LOC128706666: variants seen among roughly 807,000 people sequenced by gnomAD.
the LOC128706666 span, among the ~76,000 whole-genome samples, chr20:10,423,610 C>A: frequency 1.3e-5 from 2 of 152,122 alleles, no homozygotes; most frequent in African/African-American, 4.8e-5. Context: ...ATAGTATGAA[C>A]CCTCTTTGAG....
the LOC128706666 span, among the ~76,000 whole-genome samples, chr20:10,427,847 C>G: frequency 6.6e-6 from 1 of 152,176 alleles, no homozygotes; most frequent in Non-Finnish European, 1.5e-5. Flanking sequence ...TCTAAAGTTT[C>G]CATTCTGCAA....
At chr20:10,427,028 T>TGACACACACACA in the LOC128706666 span, among the ~76,000 whole-genome samples, 1,328 of 61,420 alleles carry the variant, frequency 0.022, 21 homozygotes, top group African/African-American at 0.049. Flanking sequence ...AAGAAAACAC[T>TGACACACACACA]GACACACACA....
At chr20:10,424,331 G>C in the LOC128706666 span, among the ~76,000 whole-genome samples, 2 of 152,004 alleles carry the variant, frequency 1.3e-5, no homozygotes, top group Admixed American at 1.3e-4. Context: ...TCAGGCAGGG[G>C]GACTGCTTGA....
the LOC128706666 span, among the ~76,000 whole-genome samples, chr20:10,429,371 T>C: frequency 3.9e-5 from 6 of 152,208 alleles, no homozygotes; most frequent in Non-Finnish European, 1.5e-5. Flanking sequence ...CTGTCTTTGG[T>C]AGTGTTTGTT....
the LOC128706666 span, among the ~76,000 whole-genome samples, chr20:10,422,781 A>G: frequency 1.3e-5 from 2 of 149,410 alleles, no homozygotes; most frequent in Non-Finnish European, 3.0e-5. Context: ...GTGCGATCTC[A>G]GCTCACTGCA....
At chr20:10,417,614 G>C in the LOC128706666 span, among the ~76,000 whole-genome samples, 1 of 151,996 alleles carries the variant, frequency 6.6e-6, no homozygotes, top group African/African-American at 2.4e-5. Flanking sequence ...GTGCCCAAGA[G>C]TTTGAGGCTG....
chr20:10,413,836 A>G, the LOC128706666 span: 1 of 458,064 alleles, frequency 2.2e-6, no homozygotes, highest in Non-Finnish European at 3.8e-6. Flanking sequence ...CCTATGAAAG[A>G]TATCCCAGCT....
the LOC128706666 span, among the ~76,000 whole-genome samples, chr20:10,429,758 C>G: frequency 1.3e-5 from 2 of 152,132 alleles, no homozygotes; most frequent in African/African-American, 4.8e-5. Flanking sequence ...CAGACCCTCG[C>G]GCCCTCACAT....
the LOC128706666 span, among the ~76,000 whole-genome samples, chr20:10,432,731 GGTTGCA>G: frequency 2.1e-5 from 3 of 141,422 alleles, no homozygotes; most frequent in Admixed American, 7.6e-5. Context: ...GGGAGGCGGA[GGTTGCA>G]CAGTGAGCAG....
chr20:10,423,716 T>C, the LOC128706666 span, among the ~76,000 whole-genome samples: 2 of 152,196 alleles, frequency 1.3e-5, no homozygotes, highest in African/African-American at 4.8e-5. Context: ...CAATTTTATG[T>C]ATATTGTGCT....
At chr20:10,426,351 G>A in the LOC128706666 span, among the ~76,000 whole-genome samples, 1 of 152,324 alleles carries the variant, frequency 6.6e-6, no homozygotes, top group Non-Finnish European at 1.5e-5. Flanking sequence ...AGGGCGTGAG[G>A]CACACCCTTG....
the LOC128706666 span, among the ~76,000 whole-genome samples, chr20:10,430,628 A>C: frequency 6.6e-6 from 1 of 152,198 alleles, no homozygotes; most frequent in Non-Finnish European, 1.5e-5. Context: ...ACCCAGTCTC[A>C]ACAGAGAGGT....
At chr20:10,422,221 G>C in the LOC128706666 span, among the ~76,000 whole-genome samples, 1 of 151,988 alleles carries the variant, frequency 6.6e-6, no homozygotes, top group Non-Finnish European at 1.5e-5. Flanking sequence ...TAAGGACTTT[G>C]TGGCAAAATT....
chr20:10,427,151 A>T, the LOC128706666 span, among the ~76,000 whole-genome samples: 1 of 151,934 alleles, frequency 6.6e-6, no homozygotes, highest in African/African-American at 2.4e-5. Flanking sequence ...TAGCCATCAG[A>T]TTATTCTATC....
the LOC128706666 span, among the ~76,000 whole-genome samples, chr20:10,427,979 C>T: frequency 0.016 from 2,431 of 152,258 alleles, 21 homozygotes; most frequent in Non-Finnish European, 0.021. Flanking sequence ...AACAGGTATG[C>T]GTAAGTATCT....
chr20:10,434,044 C>T, the LOC128706666 span: 2 of 152,378 alleles, frequency 1.3e-5, no homozygotes, highest in African/African-American at 4.8e-5. Flanking sequence ...GCCTACAAGC[C>T]CCTTCCCCTC....
the LOC128706666 span, among the ~76,000 whole-genome samples, chr20:10,425,122 C>G: frequency 6.0e-5 from 9 of 150,422 alleles, no homozygotes; most frequent in Admixed American, 3.3e-4. Flanking sequence ...TATAGTATAA[C>G]CTTACTTTTT....
the LOC128706666 span, among the ~76,000 whole-genome samples, chr20:10,420,245 A>C: frequency 4.6e-5 from 7 of 152,336 alleles, 1 homozygote; most frequent in African/African-American, 1.7e-4. Context: ...TGTAATGGTA[A>C]GGAGTCAGGG....
At chr20:10,422,924 G>A in the LOC128706666 span, among the ~76,000 whole-genome samples, 1 of 151,984 alleles carries the variant, frequency 6.6e-6, no homozygotes, top group East Asian at 1.9e-4. Flanking sequence ...TGTTAGCCAG[G>A]ATGGTCTCGA....
Sources: gnomAD v4.1 joint callset for allele counts (sites outside exome capture counted in the v4.1 genomes callset) on GRCh38, gnomAD v4.1.1 for gene constraint, MANE v1.5 for transcripts.